The following USP34 variants were observed in gnomAD, a reference collection of about 807,000 sequenced individuals.
USP34 encodes ubiquitin specific peptidase 34.
A neutral mutation model predicts 460.3 loss-of-function variants in USP34; 70 were observed. The observed-to-expected ratio is 0.15, with a 90% CI of 0.13 to 0.19. The LOEUF is 0.19. Among genes scored for constraint, USP34 ranks in the 10% least tolerant of loss-of-function variants. USP34 has a pLI of 1.00. For missense variants in USP34, 3,985 were observed against 4,236.2 expected (o/e 0.94, Z 1.65); for synonymous variants, 1,647 against 1,405.3 (o/e 1.17, Z -3.85).
At chr2:61,198,114 GCATA>G (rs1163208424) in intron 75 of USP34, among the ~76,000 whole-genome samples, 2 of 152,132 alleles carry the variant, frequency 1.3e-5, no homozygotes, top group African/African-American at 4.8e-5. Context: ...CAAAACCAAT[GCATA>G]ATCATTACAA....
chr2:61,432,346 C>T (rs1309578747), intron 1 of USP34, among the ~76,000 whole-genome samples: 2 of 152,088 alleles, frequency 1.3e-5, no homozygotes, highest in South Asian at 2.1e-4. Context: ...CATAATATCC[C>T]GTACCTACAG....
intron 5 of USP34, among the ~76,000 whole-genome samples, chr2:61,386,531 C>T (rs918608259): frequency 2.0e-5 from 3 of 152,114 alleles, no homozygotes; most frequent in African/African-American, 7.2e-5. Context: ...TGGCTCACAC[C>T]TGTAATCCCA....
At chr2:61,396,027 A>C (rs1693512745) in intron 3 of USP34, among the ~76,000 whole-genome samples, 1 of 151,382 alleles carries the variant, frequency 6.6e-6, no homozygotes, top group African/African-American at 2.4e-5. Context: ...ATTACACTCC[A>C]TCCTGGGTGA....
chr2:61,291,522 C>T (rs1246877163), intron 33 of USP34, among the ~76,000 whole-genome samples: 3 of 152,154 alleles, frequency 2.0e-5, no homozygotes, highest in Non-Finnish European at 4.4e-5. Flanking sequence ...ATCAATCTTC[C>T]ACTCCCTGGA....
At chr2:61,417,719 C>CT (rs201901250) in intron 2 of USP34, among the ~76,000 whole-genome samples, 49,649 of 130,686 alleles carry the variant, frequency 0.38, 9,015 homozygotes, top group Admixed American at 0.41. Flanking sequence ...ATACTAAAAT[C>CT]TTTTTTTTTT....
chr2:61,388,582 C>G (rs981555172), intron 5 of USP34, among the ~76,000 whole-genome samples: 1 of 151,696 alleles, frequency 6.6e-6, no homozygotes, highest in African/African-American at 2.4e-5. Flanking sequence ...CGGTGAAACC[C>G]TGCCTCTACT....
intron 57 of USP34, among the ~76,000 whole-genome samples, chr2:61,234,816 T>A (rs1178781378): frequency 6.6e-6 from 1 of 152,014 alleles, no homozygotes; most frequent in Non-Finnish European, 1.5e-5. Context: ...ATTTTATTTT[T>A]AGTAGAGATG....
At chr2:61,352,364 A>G (rs1691966318) in intron 10 of USP34, among the ~76,000 whole-genome samples, 1 of 151,886 alleles carries the variant, frequency 6.6e-6, no homozygotes. Flanking sequence ...AATACATAAT[A>G]AACTTCCAAT....
intron 25 of USP34, among the ~76,000 whole-genome samples, chr2:61,313,240 T>C (rs1690649421): frequency 6.6e-6 from 1 of 152,180 alleles, no homozygotes; most frequent in Admixed American, 6.5e-5. Flanking sequence ...TAACAATTTT[T>C]TTTTTCACAA....
chr2:61,338,043 C>T (rs1395229399), intron 18 of USP34, among the ~76,000 whole-genome samples: 1 of 152,140 alleles, frequency 6.6e-6, no homozygotes, highest in African/African-American at 2.4e-5. Context: ...ATATACCGGC[C>T]AGGCACAGTG....
At chr2:61,425,991 C>G (rs1694500779) in intron 1 of USP34, among the ~76,000 whole-genome samples, 1 of 151,962 alleles carries the variant, frequency 6.6e-6, no homozygotes, top group African/African-American at 2.4e-5. Flanking sequence ...GTTCAGGGCC[C>G]TAACTCCCAG....
At chr2:61,285,707 A>C (rs1689669481) in intron 34 of USP34, among the ~76,000 whole-genome samples, 1 of 152,192 alleles carries the variant, frequency 6.6e-6, no homozygotes, top group Non-Finnish European at 1.5e-5. Context: ...TTAAAAAAAC[A>C]TCAAGTAGTA....
intron 72 of USP34, 89 bp downstream of exon 72, chr2:61,205,928 C>G: frequency 1.0e-6 from 1 of 989,406 alleles, no homozygotes; most frequent in South Asian, 1.5e-5. Flanking sequence ...AAGTATCTTT[C>G]AAACACTACA....
chr2:61,242,458 T>TACATACACACACAC (rs374067567), intron 51 of USP34, among the ~76,000 whole-genome samples: 6 of 129,778 alleles, frequency 4.6e-5, no homozygotes, highest in African/African-American at 1.8e-4. Context: ...AGATAATACA[T>TACATACACACACAC]ACACACACAC....
intron 10 of USP34, among the ~76,000 whole-genome samples, chr2:61,351,828 C>A (rs1015012421): frequency 2.6e-5 from 4 of 152,092 alleles, no homozygotes; most frequent in African/African-American, 9.7e-5. Context: ...TTTAACACCA[C>A]TAAGTATCCA....
At chr2:61,295,409 T>A in intron 30 of USP34, 119 bp from the exon 31 acceptor site, 1 of 1,089,370 alleles carries the variant, frequency 9.2e-7, no homozygotes, top group Non-Finnish European at 1.2e-6. Context: ...TTGAAACATA[T>A]TAAAACATAT....
chr2:61,235,905 C>T lies in USP34; in HGVS notation c.6972G>A (p.Thr2324=), dbSNP rs747334112. 45 of 1,612,376 alleles carry T rather than the reference C, an allele frequency of 2.8e-5. No homozygotes were observed. The Admixed American group carries it at 6.0e-4, about 22-fold the overall frequency. The part of the protein sequence containing the change: ...ETFIHSKEKP[T]MLQWIELLTK... ...TCAACAGTTCAATCCACTGAAGCAT[C>T]GTGGGCTAGAAAAGAAAAGTCAGTC... The change falls in exon 57 of 80, where the codon ACG becomes ACA. Residue 2324 remains threonine, a synonymous_variant. Transcript: ENST00000398571.
rs373466349 is a variant in USP34 at position 61,237,458 on chromosome 2, CT to C, written c.6778-1070del. 1.4e-3 allele frequency among the ~76,000 whole-genome samples: 205 copies of C among 149,096 alleles called. 1 individual carries two copies. The highest frequency in any genetic ancestry group is 4.6e-3 in the African/African-American group (184 of 40,244). Reference sequence around the variant, plus strand: ...TACTGTGGTTTCTATCATATAAGTGCTTTTGGTTTTGCTCTGTTTTTGTTTT... The same window carrying C: ...TACTGTGGTTTCTATCATATAAGTGCTTTGGTTTTGCTCTGTTTTTGTTTT... On this transcript the variant is annotated intron_variant, in intron 53 of 79. Transcript: ENST00000398571.
At chr2:61,461,063 A>G (rs536331759) in intron 1 of USP34, among the ~76,000 whole-genome samples, 87 of 152,110 alleles carry the variant, frequency 5.7e-4, no homozygotes, top group Admixed American at 1.2e-3. Flanking sequence ...TAAAACTTAC[A>G]AGTTAGAAAA....
Sources: gnomAD v4.1 joint callset for allele counts (sites outside exome capture counted in the v4.1 genomes callset) on GRCh38, gnomAD v4.1.1 for gene constraint, MANE v1.5 for transcripts, NCBI Gene and HGNC (gene_info 2026-07-23, HGNC 2026-07-21) for gene names.